DHX36: variants seen among roughly 807,000 people sequenced by gnomAD.
DHX36 encodes ATP-dependent DNA/RNA helicase DHX36.
In DHX36, 50 loss-of-function variants were observed where a neutral mutation model predicts 139.0. The ratio of observed to expected loss-of-function variants is 0.36; its 90% CI spans 0.29 to 0.46. The LOEUF (loss-of-function observed/expected upper bound fraction) is 0.46, where lower values mean the gene tolerates loss of function less well. Ranked by LOEUF, DHX36 falls within the 20% of genes least tolerant of loss-of-function variation. The pLI, the probability that DHX36 is intolerant of heterozygous loss-of-function variation, is 1.00. For missense variants in DHX36, 1,024 were observed against 1,211.3 expected, an observed-to-expected ratio of 0.85 and a Z score of 2.29; for synonymous variants, 425 against 401.9, an observed-to-expected ratio of 1.06 and a Z score of -0.69.
chr3:154,283,954 C>T (rs534013675), intron 19 of DHX36, among the ~76,000 whole-genome samples: 3 of 152,208 alleles, frequency 2.0e-5, no homozygotes, highest in African/African-American at 4.8e-5. Context: ...TAGAAAGAGA[C>T]TGTCATTAGC....
chr3:154,278,526 G>A (rs1162505895), intron 22 of DHX36: 2 of 150,502 alleles, frequency 1.3e-5, no homozygotes, highest in East Asian at 1.9e-4. Flanking sequence ...ACCCAGACTG[G>A]AGTGCAGTGG....
chr3:154,295,153 G>A, intron 13 of DHX36, 131 bp downstream of exon 13: 1 of 549,560 alleles, frequency 1.8e-6, no homozygotes, highest in Admixed American at 4.2e-5. Context: ...GGTTCTCAAA[G>A]AAGTATTTTT....
intron 1 of DHX36, among the ~76,000 whole-genome samples, chr3:154,321,416 C>G (rs1713180615): frequency 6.6e-6 from 1 of 152,178 alleles, no homozygotes; most frequent in Non-Finnish European, 1.5e-5. Flanking sequence ...TGTTATCTTT[C>G]AAGTTTCAAC....
At chr3:154,280,966 T>C (rs1719317185) in intron 20 of DHX36, 104 bp from the exon 21 acceptor site, 2 of 820,046 alleles carry the variant, frequency 2.4e-6, no homozygotes, top group Non-Finnish European at 3.8e-6. Flanking sequence ...CCCTGCTTTA[T>C]GAAAACACTT....
At chr3:154,292,425 T>G in intron 15 of DHX36, 126 bp downstream of exon 15, 2 of 1,309,406 alleles carry the variant, frequency 1.5e-6, no homozygotes, top group South Asian at 2.7e-5. Context: ...TAAAAATGTT[T>G]TGCAATAAGC....
Position 154,283,237 on chromosome 3 carries a change from T to A in DHX36, c.2327A>T (p.Tyr776Phe). Residue 776 changes from tyrosine to phenylalanine, a missense_variant, in exon 20 of 25, where the codon TAC (tyrosine) becomes TTC (phenylalanine). By Grantham distance (22) the Tyr-to-Phe change is conservative (BLOSUM62 3). This residue lies in a region of DHX36 where 470 missense variants were observed against 616.2 expected (regional missense o/e 0.76). Transcript: ENST00000496811. ...WEEARRRGFR[Y>F]EKDYCWEYFL... ...ATATTCCCAGCAATAGTCCTTTTCGTATCTGAAACCACGTCGCCTAGCCTC... is the reference window on the plus strand; with the variant it reads ...ATATTCCCAGCAATAGTCCTTTTCGAATCTGAAACCACGTCGCCTAGCCTC... 2 of 1,613,916 alleles carry A rather than the reference T, an allele frequency of 1.2e-6. No individual in the cohort carries two copies. Among genetic ancestry groups the A allele is most frequent in the Non-Finnish European group, 1.7e-6 (2 of 1,179,828 alleles).
At chr3:154,309,597 T>C in intron 5 of DHX36, 56 bp downstream of exon 5, 1 of 1,480,352 alleles carries the variant, frequency 6.8e-7, no homozygotes, top group Non-Finnish European at 9.1e-7. Context: ...AATCAGTAGG[T>C]TCTAGCAAGA....
intron 12 of DHX36, among the ~76,000 whole-genome samples, chr3:154,297,423 C>T (rs1712085827): frequency 1.3e-5 from 2 of 152,158 alleles, no homozygotes; most frequent in South Asian, 4.1e-4. Flanking sequence ...TTAAGATTCT[C>T]TAGTTTTGGC....
intron 14 of DHX36, 141 bp from the exon 15 acceptor site, chr3:154,292,835 G>A: frequency 1.5e-6 from 2 of 1,356,328 alleles, no homozygotes; most frequent in Non-Finnish European, 1.9e-6. Context: ...TACATCAAAT[G>A]ATTTTAGCCA....
chr3:154,317,242 G>C (rs1713022037), intron 1 of DHX36, among the ~76,000 whole-genome samples: 1 of 152,060 alleles, frequency 6.6e-6, no homozygotes, highest in Non-Finnish European at 1.5e-5. Context: ...GGTGGTGATG[G>C]AGGTCACAAT....
Position 154,284,589 on chromosome 3 carries a change from C to A in DHX36, c.2286G>T (p.Ala762=). The A allele has an allele frequency of 2.5e-6, 4 of 1,598,636 alleles. No homozygotes were observed. The highest frequency in any genetic ancestry group is 1.1e-5 in the South Asian group (1 of 87,068). Reference sequence around the variant, plus strand: ...CAAAATTTTTTTTTTTTACCTCAAACGCATTCACAACTGTTAAGTGATCAC... The same window carrying A: ...CAAAATTTTTTTTTTTTACCTCAAAAGCATTCACAACTGTTAAGTGATCAC... ...TRSDHLTVVN[A]FEGWEEARRR... Residue 762 remains alanine (A), a synonymous_variant, in exon 19 of 25, where the codon GCG becomes GCT. Transcript: ENST00000496811.
At chr3:154,286,419 TACAATC>T (rs909967336) in intron 17 of DHX36, among the ~76,000 whole-genome samples, 2 of 151,694 alleles carry the variant, frequency 1.3e-5, no homozygotes, top group African/African-American at 4.8e-5. Flanking sequence ...CATTAATGAA[TACAATC>T]ATTCAAAAAG....
At chr3:154,289,607 T>TA (rs2108341315) in intron 16 of DHX36, 102 bp downstream of exon 16, 3 of 722,320 alleles carry the variant, frequency 4.2e-6, no homozygotes, top group East Asian at 5.0e-5. Context: ...AATTGTGAGT[T>TA]AATAATTGTT....
At chr3:154,313,498 A>T (rs1219220531) in intron 3 of DHX36, among the ~76,000 whole-genome samples, 3 of 152,160 alleles carry the variant, frequency 2.0e-5, no homozygotes, top group Admixed American at 6.5e-5. Flanking sequence ...TGGGCAACAA[A>T]GCAAAACCCT....
chr3:154,324,252 C>T lies in DHX36; in HGVS notation c.165G>A (p.Gly55=). The T allele has an allele frequency of 6.2e-7, 1 of 1,613,618 alleles. No homozygotes were observed. Among genetic ancestry groups the T allele is most frequent in the Non-Finnish European group, 8.5e-7 (1 of 1,179,746 alleles). The change falls in exon 1 of 25, where the codon GGG becomes GGA. Residue 55 remains glycine, a synonymous_variant. Coordinates refer to ENST00000496811, the MANE Select transcript of DHX36 (RefSeq NM_020865.3). ...TGCCGATTTCGCGGCCTTTCAGGTG[C>T]CCGGGATGCCGGCCCCTGCCGCCTC... is the stretch of plus-strand genomic sequence containing the variant. ...GGRGGRGRHP[G]HLKGREIGMW...
intron 16 of DHX36, 96 bp downstream of exon 16, chr3:154,289,613 T>C (rs996525646): frequency 2.3e-5 from 17 of 744,464 alleles, no homozygotes; most frequent in South Asian, 8.8e-5. Flanking sequence ...GAGTTAATAA[T>C]TGTTTCTTGG....
At chr3:154,297,122 A>G (rs1199392824) in intron 12 of DHX36, among the ~76,000 whole-genome samples, 2 of 152,164 alleles carry the variant, frequency 1.3e-5, no homozygotes, top group Non-Finnish European at 2.9e-5. Context: ...AAAAGCAGGG[A>G]GTGGAGGGGA....
At chr3:154,319,563 A>G (rs1476200843) in intron 1 of DHX36, among the ~76,000 whole-genome samples, 4 of 152,058 alleles carry the variant, frequency 2.6e-5, no homozygotes, top group Non-Finnish European at 5.9e-5. Flanking sequence ...TTAAAGGCTA[A>G]CCCCTCAACC....
chr3:154,280,294 A>G (rs750619250), intron 22 of DHX36: 190 of 287,490 alleles, frequency 6.6e-4, no homozygotes, highest in Admixed American at 1.4e-3. Context: ...TTATCCAGCC[A>G]CTGGTATTTA....
Sources: allele counts gnomAD v4.1 joint callset (sites outside exome capture counted in the v4.1 genomes callset), GRCh38; gene constraint gnomAD v4.1.1; regional missense constraint gnomAD v4.1.1; transcripts MANE v1.5; gene names NCBI Gene and HGNC (gene_info 2026-07-23, HGNC 2026-07-21).